The following HTR2C variants were observed in gnomAD, a reference collection of about 807,000 sequenced individuals.
HTR2C encodes the protein 5-hydroxytryptamine receptor 2C, also known as 5-hydroxytryptamine (serotonin) receptor 2C, G protein-coupled.
A neutral mutation model predicts 21.0 loss-of-function variants in HTR2C; 5 were observed. The observed-to-expected ratio is 0.24, with a 90% CI of 0.12 to 0.50. The LOEUF (loss-of-function observed/expected upper bound fraction) is 0.50, where lower values mean the gene tolerates loss of function less well. HTR2C is among the 20% of genes least tolerant of loss of function. The pLI is 0.98. For missense variants in HTR2C, 271 were observed against 371.2 expected, an observed-to-expected ratio of 0.73 and a Z score of 2.22; for synonymous variants, 150 against 145.3, an observed-to-expected ratio of 1.03 and a Z score of -0.23.
intron 2 of HTR2C, among the ~76,000 whole-genome samples, chrX:114,699,923 A>G (rs1556416406): frequency 9.2e-6 from 1 of 109,273 alleles, no homozygotes; most frequent in Non-Finnish European, 1.9e-5. Flanking sequence ...AAAAGTTGCT[A>G]CCACAGATAT....
At chrX:114,749,686 G>T (rs988781877) in intron 4 of HTR2C, among the ~76,000 whole-genome samples, 1 of 109,243 alleles carries the variant, frequency 9.2e-6, no homozygotes, top group East Asian at 2.9e-4. Context: ...GAGTGACAGA[G>T]TAAGACACTG....
At chrX:114,658,587 T>C (rs1420294079) in intron 2 of HTR2C, among the ~76,000 whole-genome samples, 1 of 111,348 alleles carries the variant, frequency 9.0e-6, no homozygotes. Flanking sequence ...CATTAAGGTA[T>C]GAAAATGTCT....
At chrX:114,652,675 T>C (rs782787651) in intron 2 of HTR2C, 4 of 377,378 alleles carry the variant, frequency 1.1e-5, no homozygotes, top group East Asian at 1.5e-4. Context: ...TAAGTATTTG[T>C]TGAAAGAATA....
At chrX:114,865,481 T>C (rs2071038346) in intron 5 of HTR2C, among the ~76,000 whole-genome samples, 1 of 111,777 alleles carries the variant, frequency 8.9e-6, no homozygotes, top group Admixed American at 9.5e-5. Context: ...GATTGTAACA[T>C]TTAATATTCC....
At chrX:114,741,161 AAAACAG>A (rs1420294954) in intron 4 of HTR2C, among the ~76,000 whole-genome samples, 15 of 110,577 alleles carry the variant, frequency 1.4e-4, no homozygotes, top group East Asian at 2.9e-4. Context: ...GCAATGAGCG[AAAACAG>A]AAACAGAAAC....
At chrX:114,673,248 A>G (rs1284167953) in intron 2 of HTR2C, among the ~76,000 whole-genome samples, 1 of 112,400 alleles carries the variant, frequency 8.9e-6, no homozygotes, top group Non-Finnish European at 1.9e-5. Context: ...AACAAAAACC[A>G]GTAAGAAGCA....
chrX:114,656,905 A>C (rs978535778), intron 2 of HTR2C, among the ~76,000 whole-genome samples: 2 of 111,220 alleles, frequency 1.8e-5, no homozygotes, highest in African/African-American at 6.5e-5. Flanking sequence ...TGAAAAAAAA[A>C]CTAAAAATAT....
At chrX:114,604,359 T>G in intron 1 of HTR2C, among the ~76,000 whole-genome samples, 1 of 110,197 alleles carries the variant, frequency 9.1e-6, no homozygotes, top group Non-Finnish European at 1.9e-5. Flanking sequence ...TGGGGAGTTT[T>G]AAGAGGTTTA....
At chrX:114,635,549 T>G (rs1258293590) in intron 2 of HTR2C, among the ~76,000 whole-genome samples, 1 of 112,169 alleles carries the variant, frequency 8.9e-6, no homozygotes, top group Admixed American at 9.5e-5. Flanking sequence ...TTTGTATCAT[T>G]GAGAAAATTA....
chrX:114,630,787 C>T, intron 2 of HTR2C: 2 of 354,343 alleles, frequency 5.6e-6, no homozygotes, highest in South Asian at 2.6e-5. Flanking sequence ...AACCCCAGCT[C>T]TGCTGTCTAC....
chrX:114,877,651 GT>G (rs1218842808), intron 5 of HTR2C, among the ~76,000 whole-genome samples: 1 of 109,927 alleles, frequency 9.1e-6, no homozygotes, highest in African/African-American at 3.3e-5. Context: ...TTGGTATGTT[GT>G]GTTTCCATTT....
At chrX:114,586,074 A>G (rs1381840857) in intron 1 of HTR2C, among the ~76,000 whole-genome samples, 2 of 111,922 alleles carry the variant, frequency 1.8e-5, no homozygotes, top group African/African-American at 6.5e-5. Flanking sequence ...AGCCATTCTG[A>G]CAATCAAAAT....
chrX:114,880,328 A>C (rs1556479652), intron 5 of HTR2C, among the ~76,000 whole-genome samples: 1 of 110,639 alleles, frequency 9.0e-6, no homozygotes, highest in African/African-American at 3.3e-5. Context: ...CCTTGTTTTA[A>C]ATACTATAAT....
At chrX:114,694,492 T>C (rs115486258) in intron 2 of HTR2C, among the ~76,000 whole-genome samples, 733 of 16,816 alleles carry the variant, frequency 0.044, 31 homozygotes, top group African/African-American at 0.11. Context: ...TATATATATA[T>C]ACACACACAG....
intron 2 of HTR2C, among the ~76,000 whole-genome samples, chrX:114,722,441 A>T (rs1292938193): frequency 9.0e-6 from 1 of 111,188 alleles, no homozygotes; most frequent in Non-Finnish European, 1.9e-5. Context: ...TTCTAAATAT[A>T]CAATCATGTC....
At chrX:114,809,255 G>T (rs1255428251) in intron 4 of HTR2C, among the ~76,000 whole-genome samples, 2 of 110,194 alleles carry the variant, frequency 1.8e-5, no homozygotes, top group African/African-American at 6.6e-5. Context: ...TCCAGCAGAG[G>T]AATCACTTCC....
intron 4 of HTR2C, among the ~76,000 whole-genome samples, chrX:114,807,512 TATATATATATACC>T (rs2070488316): frequency 2.6e-4 from 9 of 35,266 alleles, no homozygotes; most frequent in African/African-American, 6.0e-4. Flanking sequence ...ATATACACCA[TATATATATATACC>T]ATATATATAT....
intron 5 of HTR2C, among the ~76,000 whole-genome samples, chrX:114,897,175 T>C (rs1183702671): frequency 8.9e-6 from 1 of 112,065 alleles, no homozygotes; most frequent in Non-Finnish European, 1.9e-5. Context: ...TTTTTGTTAA[T>C]ATTGTCATGT....
At chrX:114,834,613 T>C (rs2070762694) in intron 4 of HTR2C, among the ~76,000 whole-genome samples, 1 of 105,458 alleles carries the variant, frequency 9.5e-6, no homozygotes, top group Admixed American at 1.0e-4. Context: ...GCACGTGAGA[T>C]GGGTTTCCTG....
Sources: gnomAD v4.1 joint callset for allele counts (sites outside exome capture counted in the v4.1 genomes callset) on GRCh38, gnomAD v4.1.1 for gene constraint, MANE v1.5 for transcripts, NCBI Gene and HGNC (gene_info 2026-07-23, HGNC 2026-07-21) for gene names.